The following TRMT44 variants were observed in gnomAD, a reference collection of about 807,000 sequenced individuals.
TRMT44 encodes the protein tRNA methyltransferase 44 homolog, also known as probable tRNA (uracil-O(2)-)-methyltransferase.
TRMT44 carries 78 observed loss-of-function variants against 77.3 expected under a neutral mutation model. The observed-to-expected ratio is 1.01, with a 90% CI of 0.84 to 1.22. The LOEUF is 1.22. TRMT44 is among the 50% of genes most tolerant of loss of function. The pLI is 0.00. For synonymous variants in TRMT44, 391 were observed against 383.3 expected, an observed-to-expected ratio of 1.02 and a Z score of -0.23; for missense variants, 1,090 against 964.4, an observed-to-expected ratio of 1.13 and a Z score of -1.73.
At chr4:8,450,529 G>T (rs1314392273) in intron 3 of TRMT44, among the ~76,000 whole-genome samples, 1 of 151,858 alleles carries the variant, frequency 6.6e-6, no homozygotes, top group East Asian at 1.9e-4. Context: ...AAATACAAAA[G>T]AGCAGTTCCC....
At chr4:8,516,007 C>T in the TRMT44 span, among the ~76,000 whole-genome samples, 16 of 152,146 alleles carry the variant, frequency 1.1e-4, no homozygotes, top group African/African-American at 3.6e-4. Context: ...GATGGTTGTC[C>T]GTGGTCTCTC....
chr4:8,463,775 C>T (rs1052212963), intron 6 of TRMT44, among the ~76,000 whole-genome samples: 2 of 152,202 alleles, frequency 1.3e-5, no homozygotes, highest in Non-Finnish European at 2.9e-5. Flanking sequence ...GGTGATTTCC[C>T]TAAAAGTTGC....
chr4:8,513,926 G>T, the TRMT44 span, among the ~76,000 whole-genome samples: 1 of 152,170 alleles, frequency 6.6e-6, no homozygotes, highest in Non-Finnish European at 1.5e-5. Flanking sequence ...TGGGGCTGGT[G>T]GGAAAGGATT....
chr4:8,493,414 C>T (rs531763164), exon 3 of TRMT44: 9 of 152,274 alleles, frequency 5.9e-5, no homozygotes, highest in Admixed American at 1.3e-4. Flanking sequence ...TCAGCACTCC[C>T]GACTTACTGG....
Position 8,449,867 on chromosome 4 carries a change from G to A in TRMT44, c.933G>A (p.Glu311=). 1.3e-6 allele frequency: 2 copies of A among 1,514,448 alleles called. No homozygotes were observed. Among genetic ancestry groups the A allele is most frequent in the Non-Finnish European group, 1.8e-6 (2 of 1,132,916 alleles). The allele number at this position is 1,514,448 out of a possible 1,614,324, so 93.8% of individuals were successfully genotyped here. The stretch of plus-strand genomic sequence containing the variant: ...GCAAGGCTTACCAGGAACTTAAAGA[G>A]AAGTATAAGGAAATGGTTAAGGTAA... The part of the protein sequence containing the change: ...KYSKAYQELK[E]KYKEMVKVWP... Residue 311 remains glutamate (E), a synonymous_variant, in exon 3 of 11, where the codon GAG becomes GAA. Transcript: ENST00000389737.
At chr4:8,490,670 C>T (rs141095865) in intron 2 of TRMT44, among the ~76,000 whole-genome samples, 3,452 of 152,266 alleles carry the variant, frequency 0.023, 72 homozygotes, top group African/African-American at 0.053. Flanking sequence ...ATAAAAGCAG[C>T]GTGGACCCAA....
chr4:8,475,541 A>C (rs962386314), intron 10 of TRMT44, among the ~76,000 whole-genome samples: 3 of 152,068 alleles, frequency 2.0e-5, no homozygotes, highest in African/African-American at 4.8e-5. Context: ...GCTGCCGCTC[A>C]CTTCCCGCAG....
chr4:8,468,534 C>A, intron 9 of TRMT44, 188 bp downstream of exon 9: 1 of 618,166 alleles, frequency 1.6e-6, no homozygotes, highest in Non-Finnish European at 2.8e-6. Flanking sequence ...CTCTTATAAA[C>A]ATAAAGGACT....
chr4:8,442,328 A>G (rs372362400), intron 1 of TRMT44, among the ~76,000 whole-genome samples: 10 of 152,242 alleles, frequency 6.6e-5, no homozygotes, highest in African/African-American at 2.4e-4. Flanking sequence ...GAAAGAGCAT[A>G]GAGACTGGAT....
At chr4:8,455,363 A>G (rs1220518054) in intron 6 of TRMT44, among the ~76,000 whole-genome samples, 2 of 152,216 alleles carry the variant, frequency 1.3e-5, no homozygotes, top group East Asian at 3.9e-4. Context: ...CCCATGAGCA[A>G]GTGGAGGCAG....
At chr4:8,483,051 G>A (rs1727678251) in intron 2 of TRMT44, among the ~76,000 whole-genome samples, 1 of 152,102 alleles carries the variant, frequency 6.6e-6, no homozygotes, top group African/African-American at 2.4e-5. Context: ...GGGGTTGTTA[G>A]AAGAAACATT....
chr4:8,442,761 C>T (rs1197362925), intron 1 of TRMT44, among the ~76,000 whole-genome samples: 1 of 152,186 alleles, frequency 6.6e-6, no homozygotes, highest in Non-Finnish European at 1.5e-5. Context: ...TTTCATGCAG[C>T]TTCCTACATC....
At chr4:8,488,071 TAGTG>T (rs1211367687) in intron 2 of TRMT44, among the ~76,000 whole-genome samples, 7 of 151,962 alleles carry the variant, frequency 4.6e-5, no homozygotes, top group East Asian at 1.9e-4. Context: ...GGTTGAGTGA[TAGTG>T]AGGGAGGTTG....
intron 2 of TRMT44, among the ~76,000 whole-genome samples, chr4:8,487,313 AG>A (rs1727840239): frequency 6.6e-6 from 1 of 152,022 alleles, no homozygotes; most frequent in African/African-American, 2.4e-5. Context: ...GGAGGGTGGA[AG>A]GTTGCCCGTA....
chr4:8,483,418 G>GT (rs745977977), intron 2 of TRMT44, among the ~76,000 whole-genome samples: 2 of 129,472 alleles, frequency 1.5e-5, no homozygotes, highest in African/African-American at 6.3e-5. Context: ...AAGTTTTTTT[G>GT]GGGGGGGGCA....
rs908913886 is a variant in TRMT44, at chr4:8,482,770, T to C, written n.3891+3237T>C. ...TTCACTTTTGTGATTCTTCAGTTAC[T>C]TCAGGCCATCTGGGCATATACGTGC... On this transcript the variant is annotated intron_variant and non_coding_transcript_variant, in intron 2 of 2. Coordinates refer to the TRMT44 transcript ENST00000511366. Among the ~76,000 whole-genome samples the C allele has an allele frequency of 8.7e-4, 133 of 152,300 alleles. 1 individual carries two copies. The highest frequency in any genetic ancestry group is 3.2e-3 in the African/African-American group (131 of 41,552).
the TRMT44 span, among the ~76,000 whole-genome samples, chr4:8,504,625 C>G: frequency 6.6e-6 from 1 of 152,178 alleles, no homozygotes; most frequent in Non-Finnish European, 1.5e-5. The surrounding 1 kb of genome is among the most constrained non-coding windows in gnomAD (Gnocchi z 5.3). Context: ...AATAGCTCAT[C>G]TCTTCCACCC....
At chr4:8,462,548 T>C (rs1270023546) in intron 6 of TRMT44, among the ~76,000 whole-genome samples, 1 of 149,630 alleles carries the variant, frequency 6.7e-6, no homozygotes, top group Non-Finnish European at 1.5e-5. Flanking sequence ...CTACTAAAAA[T>C]ACAAAAATTA....
chr4:8,446,591 G>A lies in TRMT44; in HGVS notation c.734+1G>A. 2.0e-6 allele frequency: 3 copies of A among 1,525,372 alleles called. No individual in the cohort carries two copies. Among genetic ancestry groups the A allele is most frequent in the Non-Finnish European group, 2.6e-6 (3 of 1,137,114 alleles). 94.5% of individuals were successfully genotyped at this position (1,525,372 alleles called of 1,614,324 possible). ...AGCTCAGTCATAGCAAAGAAGAATG[G>A]TAAGAGCTGGACAGTGGACTCCTAG... On this transcript the variant is annotated splice_donor_variant, in intron 2 of 10. Coordinates refer to ENST00000389737, the MANE Select transcript of TRMT44 (RefSeq NM_152544.3). LOFTEE classifies it high-confidence loss of function. The surrounding 1 kb of genome is among the most constrained non-coding windows in gnomAD (Gnocchi z 4.3).
Sources: allele counts gnomAD v4.1 joint callset (sites outside exome capture counted in the v4.1 genomes callset), GRCh38; gene constraint gnomAD v4.1.1; non-coding constraint Gnocchi (gnomAD v3.1); transcripts MANE v1.5; gene names NCBI Gene and HGNC (gene_info 2026-07-23, HGNC 2026-07-21).